GMDS: variants seen among roughly 807,000 people sequenced by gnomAD.
GMDS encodes the protein GDP-mannose 4,6 dehydratase.
GMDS carries 20 observed loss-of-function variants against 49.9 expected under a neutral mutation model. The ratio of observed to expected loss-of-function variants is 0.40; its 90% CI spans 0.28 to 0.58. The LOEUF (loss-of-function observed/expected upper bound fraction) is 0.58, where lower values mean the gene tolerates loss of function less well. Ranked by LOEUF, GMDS falls within the 20% of genes least tolerant of loss-of-function variation. The pLI is 0.42. For missense variants in GMDS, 362 were observed against 481.4 expected, an observed-to-expected ratio of 0.75 and a Z score of 2.32; for synonymous variants, 177 against 178.6, an observed-to-expected ratio of 0.99 and a Z score of 0.07.
chr6:1,762,638 G>A (rs1439453953), intron 7 of GMDS, among the ~76,000 whole-genome samples: 6 of 152,198 alleles, frequency 3.9e-5, no homozygotes, highest in Non-Finnish European at 8.8e-5. Flanking sequence ...GCACTTTGAG[G>A]TGGTGTTTAC....
At chr6:1,816,929 T>C (rs1770695406) in intron 7 of GMDS, among the ~76,000 whole-genome samples, 1 of 151,432 alleles carries the variant, frequency 6.6e-6, no homozygotes. Context: ...GAAAAGCAGG[T>C]CTGGGTGGGG....
chr6:1,652,986 C>T (rs968608896), intron 9 of GMDS, among the ~76,000 whole-genome samples: 1 of 151,274 alleles, frequency 6.6e-6, no homozygotes. Context: ...GCCTTCCGGG[C>T]CACCTGCAGT....
At chr6:1,670,579 C>A (rs947817755) in intron 9 of GMDS, among the ~76,000 whole-genome samples, 2 of 151,922 alleles carry the variant, frequency 1.3e-5, no homozygotes, top group Non-Finnish European at 2.9e-5. Flanking sequence ...GAAGAAAACA[C>A]TGATATGAAA....
chr6:1,753,113 C>T (rs1041069839), intron 7 of GMDS, among the ~76,000 whole-genome samples: 6 of 152,128 alleles, frequency 3.9e-5, no homozygotes, highest in Middle Eastern at 3.2e-3. Flanking sequence ...AGTCAAGACC[C>T]ATCGGTGTGC....
At chr6:2,105,270 T>G (rs1214016707) in intron 4 of GMDS, among the ~76,000 whole-genome samples, 1 of 147,306 alleles carries the variant, frequency 6.8e-6, no homozygotes, top group Non-Finnish European at 1.5e-5. Flanking sequence ...AGCAAACAGA[T>G]GAAAAAATTA....
chr6:1,873,127 C>A (rs929291878), intron 7 of GMDS, among the ~76,000 whole-genome samples: 5 of 152,190 alleles, frequency 3.3e-5, no homozygotes, highest in Admixed American at 6.5e-5. Context: ...TTAAAGGCAA[C>A]GTGAAGCTAT....
At chr6:1,712,538 A>G (rs958157053) in intron 9 of GMDS, among the ~76,000 whole-genome samples, 3 of 152,244 alleles carry the variant, frequency 2.0e-5, no homozygotes, top group African/African-American at 7.2e-5. Context: ...CTTGCTCCCT[A>G]TAACTAAGCC....
At chr6:2,000,315 G>A (rs1420518287) in intron 4 of GMDS, among the ~76,000 whole-genome samples, 1 of 151,026 alleles carries the variant, frequency 6.6e-6, no homozygotes, top group Non-Finnish European at 1.5e-5. Context: ...GATTACAGGC[G>A]TGAGCCACCA....
intron 9 of GMDS, among the ~76,000 whole-genome samples, chr6:1,655,496 T>TAC (rs70989195): frequency 1.3e-3 from 68 of 53,566 alleles, no homozygotes; most frequent in East Asian, 5.8e-3. Context: ...CACACACACA[T>TAC]ACACACACAC....
At chr6:2,162,958 A>G (rs549764040) in intron 1 of GMDS, among the ~76,000 whole-genome samples, 3 of 152,260 alleles carry the variant, frequency 2.0e-5, no homozygotes, top group East Asian at 3.9e-4. Flanking sequence ...CGGCTCTGGG[A>G]CTACATCAAA....
At chr6:2,165,280 T>C (rs755616502) in intron 1 of GMDS, among the ~76,000 whole-genome samples, 2 of 152,198 alleles carry the variant, frequency 1.3e-5, no homozygotes, top group Non-Finnish European at 2.9e-5. Context: ...AATCCCAAGA[T>C]CTGCAGTCCA....
In GMDS at chr6:1,737,603, C is replaced by T. The variant is rs531506338; in HGVS notation, c.890+4865G>A. On this transcript the variant is annotated intron_variant, in intron 8 of 10. Transcript: ENST00000380815. ...AAAATACACACACATACACACACCA[C>T]ACACACCACAAACACACACACAGAT... Among the ~76,000 whole-genome samples the T allele has an allele frequency of 6.8e-5, 10 of 147,364 alleles. No homozygotes were observed. The South Asian group carries it at 1.5e-3, about 22-fold the overall frequency.
intron 7 of GMDS, among the ~76,000 whole-genome samples, chr6:1,816,641 T>C (rs902378227): frequency 1.3e-5 from 2 of 152,234 alleles, no homozygotes; most frequent in African/African-American, 4.8e-5. Context: ...ATTCTCATTG[T>C]CATTAATCAA....
intron 9 of GMDS, among the ~76,000 whole-genome samples, chr6:1,703,554 T>A (rs189975677): frequency 6.6e-6 from 1 of 152,158 alleles, no homozygotes; most frequent in African/African-American, 2.4e-5. Flanking sequence ...TTTGTATAAA[T>A]AAAGAAATAC....
At chr6:1,859,010 C>G (rs1287980638) in intron 7 of GMDS, among the ~76,000 whole-genome samples, 2 of 152,074 alleles carry the variant, frequency 1.3e-5, no homozygotes, top group Non-Finnish European at 1.5e-5. Flanking sequence ...AGCACACTGG[C>G]AGGATTCTCA....
In GMDS at chr6:1,667,827, G is replaced by GACA. The variant is rs1333039149; in HGVS notation, c.988-43288_988-43287insTGT. 2.1e-5 allele frequency among the ~76,000 whole-genome samples: 3 copies of GACA among 145,802 alleles called. No individual in the cohort carries two copies. In the Admixed American group the frequency reaches 2.1e-4, roughly 10 times the overall value. ...CAATTTTTTTTAAATGAAAAAAAATGTGCCCCACTTATCAGTAAATTGGAC... is the reference window on the plus strand; with the variant it reads ...CAATTTTTTTTAAATGAAAAAAAATGACATGCCCCACTTATCAGTAAATTGGAC... On this transcript the variant is annotated intron_variant, in intron 9 of 10. Coordinates refer to ENST00000380815, the MANE Select transcript of GMDS (RefSeq NM_001500.4).
At chr6:2,172,463 C>T (rs1369379730) in intron 1 of GMDS, among the ~76,000 whole-genome samples, 1 of 152,080 alleles carries the variant, frequency 6.6e-6, no homozygotes, top group Non-Finnish European at 1.5e-5. Context: ...GAGGCCGAGG[C>T]AGGTGGATCA....
chr6:2,044,151 T>C (rs923275786), intron 4 of GMDS, among the ~76,000 whole-genome samples: 2 of 152,230 alleles, frequency 1.3e-5, no homozygotes, highest in African/African-American at 2.4e-5. Context: ...AAAAGCAGTA[T>C]GGCAATTCCT....
At chr6:2,049,804 G>A (rs1034482961) in intron 4 of GMDS, among the ~76,000 whole-genome samples, 2 of 152,214 alleles carry the variant, frequency 1.3e-5, no homozygotes, top group Admixed American at 6.5e-5. Flanking sequence ...AATGAAGGCA[G>A]AAATAAAGAT....
Sources: gnomAD v4.1 joint callset for allele counts (sites outside exome capture counted in the v4.1 genomes callset) on GRCh38, gnomAD v4.1.1 for gene constraint, MANE v1.5 for transcripts, NCBI Gene and HGNC (gene_info 2026-07-23, HGNC 2026-07-21) for gene names.